SUGT1: variants seen among roughly 807,000 people sequenced by gnomAD.
SUGT1 encodes protein SGT1 homolog.
SUGT1 carries 15 observed loss-of-function variants against 56.1 expected under a neutral mutation model. The observed-to-expected ratio is 0.27, with a 90% CI of 0.18 to 0.41. The LOEUF (loss-of-function observed/expected upper bound fraction) is 0.41. SUGT1 is among the 10% of genes least tolerant of loss of function. The probability of loss-of-function intolerance (pLI) is 1.00; values close to 1 mark genes in which losing one functional copy is unlikely to be tolerated. For synonymous variants in SUGT1, 123 were observed against 128.6 expected, an observed-to-expected ratio of 0.96 and a Z score of 0.30; for missense variants, 347 against 382.2, an observed-to-expected ratio of 0.91 and a Z score of 0.77.
chr13:52,656,550 A>G (rs1046105683), intron 2 of SUGT1, among the ~76,000 whole-genome samples: 1 of 152,192 alleles, frequency 6.6e-6, no homozygotes, highest in African/African-American at 2.4e-5. Context: ...CATCAAACGT[A>G]AGGTCCAAAT....
intron 5 of SUGT1, among the ~76,000 whole-genome samples, chr13:52,659,497 G>A (rs1962322824): frequency 6.6e-6 from 1 of 151,910 alleles, no homozygotes; most frequent in Admixed American, 6.6e-5. Context: ...CACCTAACAT[G>A]CTCTCTCTGT....
rs1162363944 is a variant in SUGT1, at chr13:52,693,169, G to A, written c.*5334G>A. 6.6e-6 allele frequency: 1 copy of A among 151,404 alleles called. No homozygotes were observed. The highest frequency in any genetic ancestry group is 2.4e-5 in the African/African-American group (1 of 41,200). The allele number at this position is 151,404 out of a possible 1,614,324, so 9.4% of individuals were successfully genotyped here. A position where few individuals can be genotyped will look rare whatever the true frequency, so the allele number is the denominator to read the frequency against. On this transcript the variant is annotated 3_prime_UTR_variant, in exon 13 of 13. Coordinates refer to ENST00000310528, the MANE Select transcript of SUGT1 (RefSeq NM_006704.5). ...GCTTGTCTGGAGTCTTAAATATTTGGTATGCCTTCACATTTGGATTTTTAG... is the reference window on the plus strand; with the variant it reads ...GCTTGTCTGGAGTCTTAAATATTTGATATGCCTTCACATTTGGATTTTTAG...
In SUGT1 at chr13:52,676,309, A is replaced by G. The variant is rs568216584; in HGVS notation, c.707A>G (p.Gln236Arg). The G allele has an allele frequency of 6.2e-7, 1 of 1,611,930 alleles. No homozygotes were observed. Among genetic ancestry groups the G allele is most frequent in the Non-Finnish European group, 8.5e-7 (1 of 1,179,100 alleles). ...CAAGGAGATGTGCCTACGCCAAAAC[A>G]ATTCGTAGCAGGTTTGTTTTCTGGC... is the stretch of plus-strand genomic sequence containing the variant. ...EGQGDVPTPK[Q>R]FVADVKNLYP... The change falls in exon 11 of 13, where the codon CAA becomes CGA. Residue 236 changes from glutamine to arginine, a missense_variant. Transcript: ENST00000310528.
chr13:52,664,473 G>A (rs1962598685), intron 8 of SUGT1, among the ~76,000 whole-genome samples: 1 of 152,276 alleles, frequency 6.6e-6, no homozygotes, highest in East Asian at 1.9e-4. Context: ...GCTGAGGGCA[G>A]CAATTATAAT....
At chr13:52,662,353 T>G (rs1962494592) in intron 5 of SUGT1, among the ~76,000 whole-genome samples, 2 of 152,228 alleles carry the variant, frequency 1.3e-5, no homozygotes, top group Non-Finnish European at 2.9e-5. Context: ...GAAGCTTCTC[T>G]AAGAGCAGCG....
intron 10 of SUGT1, among the ~76,000 whole-genome samples, chr13:52,673,257 T>C (rs1320692076): frequency 6.2e-4 from 1 of 1,612 alleles, no homozygotes. Flanking sequence ...TTTTTTTTTG[T>C]GTGGGGGTAG....
At chr13:52,679,825 TATACC>T in intron 11 of SUGT1, 144 bp from the exon 12 acceptor site, 1 of 643,546 alleles carries the variant, frequency 1.6e-6, no homozygotes, top group Non-Finnish European at 2.4e-6. Context: ...TATTGACCTA[TATACC>T]AGAAAGACAC....
In SUGT1 at chr13:52,658,420, A is replaced by G. The variant is rs755801767; in HGVS notation, c.209A>G (p.Lys70Arg). 1 of 1,612,944 alleles carries G rather than the reference A, an allele frequency of 6.2e-7. No individual in the cohort carries two copies. The highest frequency in any genetic ancestry group is 1.7e-5 in the Admixed American group (1 of 59,788). The change falls in exon 4 of 13, where the codon AAG becomes AGG. Residue 70 changes from lysine to arginine, a missense_variant. Transcript: ENST00000310528. Reference protein sequence around the residue: ...NYCVAVADAKKSLELNPNNST... With the variant: ...NYCVAVADAKRSLELNPNNST... Reference sequence around the variant, plus strand: ...ACAGTTGCTGTTGCTGATGCAAAGAAGTCTCTAGAACTCAATCCAAATAAT... The same window carrying G: ...ACAGTTGCTGTTGCTGATGCAAAGAGGTCTCTAGAACTCAATCCAAATAAT...
intron 11 of SUGT1, among the ~76,000 whole-genome samples, chr13:52,679,354 C>T (rs2138161335): frequency 6.6e-6 from 1 of 152,296 alleles, no homozygotes; most frequent in African/African-American, 2.4e-5. Flanking sequence ...GGGATGTGGG[C>T]ATTGAACTTT....
chr13:52,679,885 TGTTCCATATACATG>T, intron 11 of SUGT1, 75 bp from the exon 12 acceptor site: 1 of 1,274,882 alleles, frequency 7.8e-7, no homozygotes, highest in Non-Finnish European at 1.1e-6. Context: ...TTTGCTAAGA[TGTTCCATATACATG>T]GTCACAAAGT....
chr13:52,676,388 G>T, intron 11 of SUGT1, 68 bp downstream of exon 11: 1 of 1,272,436 alleles, frequency 7.9e-7, no homozygotes, highest in South Asian at 1.5e-5. Context: ...AAATAGTAAT[G>T]AACATTCTTT....
chr13:52,675,326 C>A (rs930212793), intron 10 of SUGT1, among the ~76,000 whole-genome samples: 3 of 152,170 alleles, frequency 2.0e-5, no homozygotes, highest in Non-Finnish European at 4.4e-5. Context: ...GTAATCCTAG[C>A]ACTTTGGGAG....
At position 52,676,277 on chromosome 13, in the gene SUGT1, A is replaced by G; in HGVS notation, c.675A>G (p.Leu225=). Residue 225 remains leucine (L), a synonymous_variant, in exon 11 of 13, where the codon CTA becomes CTG. Coordinates refer to ENST00000310528, the MANE Select transcript of SUGT1 (RefSeq NM_006704.5). ...CAGAGGCTGTGAGATGGGAAAAGCT[A>G]GAGGGGCAAGGAGATGTGCCTACGC... is the stretch of plus-strand genomic sequence containing the variant. ...KKPEAVRWEK[L]EGQGDVPTPK... 6.2e-7 allele frequency: 1 copy of G among 1,613,284 alleles called. No homozygotes were observed. Among genetic ancestry groups the G allele is most frequent in the Non-Finnish European group, 8.5e-7 (1 of 1,179,578 alleles).
chr13:52,691,770 A>G lies in SUGT1; in HGVS notation c.*3935A>G, dbSNP rs1246104742. 1 of 152,216 alleles carries G rather than the reference A, an allele frequency of 6.6e-6. No individual in the cohort carries two copies. Among genetic ancestry groups the G allele is most frequent in the African/African-American group, 2.4e-5 (1 of 41,448 alleles). 9.4% of individuals were successfully genotyped at this position (152,216 alleles called of 1,614,324 possible). On this transcript the variant is annotated 3_prime_UTR_variant, in exon 13 of 13. Transcript: ENST00000310528. ...TAGAGGAATTAGATGATAAAAGCTA[A>G]AAGGACAAAATACTGGTTTCTGTGC...
chr13:52,659,033 A>G (rs1361022479), intron 4 of SUGT1, 146 bp from the exon 5 acceptor site: 6 of 529,982 alleles, frequency 1.1e-5, no homozygotes, highest in African/African-American at 2.0e-5. Context: ...TCTTAACAGT[A>G]TATTAGAAAG....
chr13:52,653,597 A>G (rs987581815), intron 2 of SUGT1, among the ~76,000 whole-genome samples: 3 of 151,616 alleles, frequency 2.0e-5, no homozygotes, highest in Non-Finnish European at 4.4e-5. Context: ...ATTCATCAAA[A>G]TTTTTTTTTG....
intron 12 of SUGT1, among the ~76,000 whole-genome samples, chr13:52,686,308 C>T (rs1195442730): frequency 6.6e-6 from 1 of 152,166 alleles, no homozygotes; most frequent in East Asian, 1.9e-4. Context: ...GGCCACTGTG[C>T]TTAGAACTAC....
intron 9 of SUGT1, among the ~76,000 whole-genome samples, chr13:52,666,146 C>T (rs977569555): frequency 2.0e-5 from 3 of 152,128 alleles, no homozygotes; most frequent in Non-Finnish European, 4.4e-5. Context: ...AGTGCAGTGG[C>T]GCAATTTCGG....
chr13:52,672,446 T>A (rs544735205), intron 10 of SUGT1, among the ~76,000 whole-genome samples: 19 of 152,336 alleles, frequency 1.2e-4, no homozygotes, highest in Admixed American at 9.8e-4. Flanking sequence ...CTCCATTCAT[T>A]GCCATTTTTT....
Sources: allele counts gnomAD v4.1 joint callset (sites outside exome capture counted in the v4.1 genomes callset), GRCh38; gene constraint gnomAD v4.1.1; transcripts MANE v1.5; gene names NCBI Gene and HGNC (gene_info 2026-07-23, HGNC 2026-07-21).